The following ERI1 variants were observed in gnomAD, a reference collection of about 807,000 sequenced individuals.
ERI1 encodes 3'-5' exoribonuclease 1.
In ERI1, 39 loss-of-function variants were observed where a neutral mutation model predicts 39.7. That is an observed-to-expected ratio of 0.98 (90% CI 0.76 to 1.28). ERI1 has a LOEUF of 1.28. Among genes scored for constraint, ERI1 ranks in the 50% most tolerant of loss-of-function variants. The pLI is 0.00. For missense variants in ERI1, 581 were observed against 416.9 expected (o/e 1.39, Z -3.43); for synonymous variants, 204 against 149.6 (o/e 1.36, Z -2.65).
downstream of ERI1, among the ~76,000 whole-genome samples, chr8:9,036,385 C>G (rs962237014): frequency 2.0e-5 from 3 of 152,196 alleles, no homozygotes; most frequent in East Asian, 5.8e-4. Flanking sequence ...CTCAGTAGCC[C>G]TCAACGTTTG....
intron 3 of ERI1, among the ~76,000 whole-genome samples, chr8:9,042,023 C>T (rs1212388158): frequency 1.3e-5 from 2 of 152,156 alleles, no homozygotes; most frequent in Admixed American, 6.6e-5. Context: ...CATGAGCCAC[C>T]GCACCCAGCC....
chr8:9,035,886 T>G (rs1797828452), downstream of ERI1, among the ~76,000 whole-genome samples: 1 of 152,210 alleles, frequency 6.6e-6, no homozygotes, highest in Non-Finnish European at 1.5e-5. Context: ...GAGGTAAAGA[T>G]ATCAACCTTA....
At chr8:9,077,011 G>T (rs1023436195) in intron 3 of ERI1, among the ~76,000 whole-genome samples, 1 of 152,228 alleles carries the variant, frequency 6.6e-6, no homozygotes, top group Non-Finnish European at 1.5e-5. Flanking sequence ...CACAGCTTTC[G>T]CTGCCTCCAT....
chr8:9,069,024 G>A (rs909695913), intron 3 of ERI1, among the ~76,000 whole-genome samples: 2 of 152,076 alleles, frequency 1.3e-5, no homozygotes, highest in Non-Finnish European at 2.9e-5. Flanking sequence ...GCGCTGTGTG[G>A]CCCAGGCTGG....
intron 3 of ERI1, among the ~76,000 whole-genome samples, chr8:9,038,946 C>T (rs932812350): frequency 7.9e-5 from 12 of 152,292 alleles, no homozygotes; most frequent in South Asian, 4.1e-4. Context: ...ATTTCCGTGA[C>T]AAAAATCACA....
rs144568295 is a variant in ERI1, at chr8:9,074,714, C to T, written n.300-41634C>T. ...CTTCCAAAGTTGCTGGGGTTACAGGCGTGAGCCACTGCGCCCAGCCAGTAC... is the reference window on the plus strand; with the variant it reads ...CTTCCAAAGTTGCTGGGGTTACAGGTGTGAGCCACTGCGCCCAGCCAGTAC... On this transcript the variant is annotated intron_variant and non_coding_transcript_variant, in intron 3 of 3. Transcript: ENST00000518663. Among the ~76,000 whole-genome samples, 289 of 152,310 alleles carry T rather than the reference C, an allele frequency of 1.9e-3. 3 individuals carry two copies. The Middle Eastern group carries it at 0.027, about 14-fold the overall frequency.
chr8:9,092,990 TG>T (rs1799755430), intron 3 of ERI1, among the ~76,000 whole-genome samples: 1 of 152,232 alleles, frequency 6.6e-6, no homozygotes, highest in South Asian at 2.1e-4. Context: ...ATCACTCTAA[TG>T]GTTGCCTTCA....
At chr8:9,075,583 A>G (rs377339889) in intron 3 of ERI1, among the ~76,000 whole-genome samples, 139 of 151,980 alleles carry the variant, frequency 9.1e-4, no homozygotes, top group African/African-American at 3.2e-3. Flanking sequence ...TCTATTAGCC[A>G]TGCATTTTGT....
At chr8:9,018,694 G>C (rs1563322883) in intron 5 of ERI1, among the ~76,000 whole-genome samples, 1 of 152,126 alleles carries the variant, frequency 6.6e-6, no homozygotes, top group South Asian at 2.1e-4. Context: ...AAAAAGTTCA[G>C]ACTCTTGAGC....
chr8:9,089,991 A>G (rs1158609884), intron 3 of ERI1, among the ~76,000 whole-genome samples: 3 of 152,220 alleles, frequency 2.0e-5, no homozygotes, highest in Non-Finnish European at 1.5e-5. Context: ...CTTGCAAAGC[A>G]AGGATGACGG....
chr8:9,047,596 G>T (rs1034119583), intron 3 of ERI1, among the ~76,000 whole-genome samples: 7 of 152,160 alleles, frequency 4.6e-5, no homozygotes, highest in Non-Finnish European at 8.8e-5. Flanking sequence ...CTACTCAGGA[G>T]GCTGAGGTGG....
chr8:9,081,655 A>G (rs1170366118), intron 3 of ERI1, among the ~76,000 whole-genome samples: 3 of 141,260 alleles, frequency 2.1e-5, no homozygotes, highest in African/African-American at 8.0e-5. Flanking sequence ...AACAACTCCC[A>G]TTTCTTCCTT....
chr8:9,097,939 C>T (rs918249224), intron 3 of ERI1, among the ~76,000 whole-genome samples: 1 of 152,096 alleles, frequency 6.6e-6, no homozygotes, highest in African/African-American at 2.4e-5. Flanking sequence ...ACTACTCAGT[C>T]ATAAAAAGAA....
intron 3 of ERI1, among the ~76,000 whole-genome samples, chr8:9,012,556 T>C (rs1042620054): frequency 1.3e-5 from 2 of 152,216 alleles, no homozygotes; most frequent in African/African-American, 4.8e-5. Flanking sequence ...TTAGCCTATT[T>C]CTATAATTTT....
intron 3 of ERI1, among the ~76,000 whole-genome samples, chr8:9,079,631 C>G (rs894313084): frequency 2.0e-5 from 3 of 152,056 alleles, no homozygotes; most frequent in Admixed American, 6.5e-5. Context: ...AAGACTCAGC[C>G]CCAGGTAGCC....
At chr8:9,078,803 GAGA>G (rs1372524016) in intron 3 of ERI1, among the ~76,000 whole-genome samples, 1 of 152,198 alleles carries the variant, frequency 6.6e-6, no homozygotes, top group African/African-American at 2.4e-5. Context: ...AAAACTGTAA[GAGA>G]AGATTATCTT....
At chr8:9,094,261 C>T (rs1293591454) in intron 3 of ERI1, among the ~76,000 whole-genome samples, 11 of 152,178 alleles carry the variant, frequency 7.2e-5, no homozygotes, top group Non-Finnish European at 1.2e-4. Context: ...GTCGTGGACT[C>T]TCAGGACAAA....
intron 3 of ERI1, among the ~76,000 whole-genome samples, chr8:9,051,691 G>A (rs761866362): frequency 3.9e-4 from 59 of 151,462 alleles, no homozygotes; most frequent in South Asian, 1.2e-3. Flanking sequence ...TAAGGGAAAC[G>A]CCTTCCTCTT....
Position 9,032,872 on chromosome 8 carries a change from T to A in ERI1, c.*2838T>A, listed in dbSNP as rs1797688655. ...CACAGATGAGCACGCACGGGTGCATTGTCAAAGTCTGAGAAGGATGTATTG... is the reference window on the plus strand; with the variant it reads ...CACAGATGAGCACGCACGGGTGCATAGTCAAAGTCTGAGAAGGATGTATTG... On this transcript the variant is annotated 3_prime_UTR_variant, in exon 7 of 7. Coordinates refer to ENST00000250263, the MANE Select transcript of ERI1 (RefSeq NM_153332.4). 1 of 152,168 alleles carries A rather than the reference T, an allele frequency of 6.6e-6. No individual in the cohort carries two copies. Among genetic ancestry groups the A allele is most frequent in the South Asian group, 2.1e-4 (1 of 4,824 alleles). 9.4% of individuals were successfully genotyped at this position (152,168 alleles called of 1,614,324 possible).
Sources: gnomAD v4.1 joint callset for allele counts (sites outside exome capture counted in the v4.1 genomes callset) on GRCh38, gnomAD v4.1.1 for gene constraint, MANE v1.5 for transcripts, NCBI Gene and HGNC (gene_info 2026-07-23, HGNC 2026-07-21) for gene names.